EPB41L4A: variants seen among roughly 807,000 people sequenced by gnomAD.
EPB41L4A encodes the protein band 4.1-like protein 4A.
A neutral mutation model predicts 108.6 loss-of-function variants in EPB41L4A; 100 were observed. That is an observed-to-expected ratio of 0.92 (90% CI 0.78 to 1.09). The LOEUF is 1.09. Ranked by LOEUF, EPB41L4A falls within the 50% of genes least tolerant of loss-of-function variation. The probability of loss-of-function intolerance (pLI) is 0.00; values close to 1 mark genes in which losing one functional copy is unlikely to be tolerated. For missense variants in EPB41L4A, 1,030 were observed against 842.7 expected (o/e 1.22, Z -2.75); for synonymous variants, 319 against 289.0 (o/e 1.10, Z -1.05).
intron 1 of EPB41L4A, among the ~76,000 whole-genome samples, chr5:112,405,196 A>C (rs1378373081): frequency 6.6e-6 from 1 of 152,140 alleles, no homozygotes; most frequent in African/African-American, 2.4e-5. Context: ...CCATATTGCA[A>C]AGTACTCAGG....
intron 17 of EPB41L4A, among the ~76,000 whole-genome samples, chr5:112,193,918 C>G (rs890418510): frequency 1.3e-5 from 2 of 152,186 alleles, no homozygotes; most frequent in African/African-American, 4.8e-5. Context: ...TGACTGGCAA[C>G]CAAATCCCTC....
At chr5:112,161,610 T>G (rs17266115), downstream of EPB41L4A, 69,011 of 519,010 alleles carry the variant, frequency 0.13, 5,025 homozygotes, top group South Asian at 0.16. Context: ...GCTGCATAAG[T>G]AACAGTTGCT....
chr5:112,312,776 C>T (rs17134348), intron 1 of EPB41L4A, among the ~76,000 whole-genome samples: 22,435 of 152,130 alleles, frequency 0.15, 1,855 homozygotes, highest in African/African-American at 0.21. Context: ...TGCCTCCTGC[C>T]CTTATACACA....
intron 1 of EPB41L4A, among the ~76,000 whole-genome samples, chr5:112,368,575 C>T (rs574415349): frequency 2.2e-4 from 34 of 152,258 alleles, no homozygotes; most frequent in South Asian, 1.0e-3. Flanking sequence ...TAATTCCAGA[C>T]GCCTCCTTTC....
At position 112,214,723 on chromosome 5, in the gene EPB41L4A, G is replaced by A. The variant is rs187248541; in HGVS notation, c.1088-4741C>T. On this transcript the variant is annotated intron_variant, in intron 12 of 22. Transcript: ENST00000261486. ...GGAGCTTGCAGTGAGTGGAGATCGC[G>A]CCACTGCACTCCAGCCCAGGCGACA... Among the ~76,000 whole-genome samples, 492 of 151,880 alleles carry A rather than the reference G, an allele frequency of 3.2e-3. 8 individuals are homozygous for A. The highest frequency in any genetic ancestry group is 6.0e-4 in the Non-Finnish European group (41 of 67,952).
At chr5:112,323,780 T>C (rs553865514) in intron 1 of EPB41L4A, among the ~76,000 whole-genome samples, 44 of 152,294 alleles carry the variant, frequency 2.9e-4, no homozygotes, top group African/African-American at 1.0e-3. Context: ...TGCAACCTTT[T>C]TGGGGAATCA....
chr5:112,419,032 C>G lies in EPB41L4A; in HGVS notation c.8G>C (p.Cys3Ser). 1 of 1,613,290 alleles carries G rather than the reference C, an allele frequency of 6.2e-7. No homozygotes were observed. Among genetic ancestry groups the G allele is most frequent in the Non-Finnish European group, 8.5e-7 (1 of 1,179,478 alleles). ...AAATTCTTCCGGAACAGCGCAGAAA[C>G]AGCCCATGTCGGTTGTGGTCGTCTC... is the stretch of plus-strand genomic sequence containing the variant. MG[C>S]FCAVPEEFYC... The change falls in exon 1 of 23, where the codon TGT becomes TCT. Residue 3 changes from cysteine to serine, a missense_variant. Coordinates refer to ENST00000261486, the MANE Select transcript of EPB41L4A (RefSeq NM_022140.5).
At chr5:112,188,447 C>T (rs988342835) in intron 17 of EPB41L4A, among the ~76,000 whole-genome samples, 1 of 152,162 alleles carries the variant, frequency 6.6e-6, no homozygotes, top group Non-Finnish European at 1.5e-5. Flanking sequence ...CTTTCAAACT[C>T]TCCTGTTTTC....
intron 15 of EPB41L4A, among the ~76,000 whole-genome samples, chr5:112,201,805 T>G (rs1467931420): frequency 1.3e-5 from 2 of 152,194 alleles, no homozygotes; most frequent in Non-Finnish European, 2.9e-5. Context: ...GTACAGTTTA[T>G]TTAAATGAGG....
At chr5:112,327,074 A>T (rs1756214163) in intron 1 of EPB41L4A, among the ~76,000 whole-genome samples, 1 of 152,184 alleles carries the variant, frequency 6.6e-6, no homozygotes, top group South Asian at 2.1e-4. Flanking sequence ...CAATTTCACA[A>T]ATAGGGAAAA....
rs570110407 is a variant in EPB41L4A, at chr5:112,243,175, C to T, written c.796-2365G>A. On this transcript the variant is annotated intron_variant, in intron 9 of 22. Coordinates refer to ENST00000261486, the MANE Select transcript of EPB41L4A (RefSeq NM_022140.5). ...GTTGCAGTGAGCCGAGATCGTGCCA[C>T]TGCATTCCAGCCTGGGTGATAAGAA... 2.0e-5 allele frequency among the ~76,000 whole-genome samples: 3 copies of T among 146,968 alleles called. No homozygotes were observed. In the East Asian group the frequency reaches 5.8e-4, roughly 28 times the overall value.
At chr5:112,146,370 G>A (rs1175719897) in intron 12 of EPB41L4A, among the ~76,000 whole-genome samples, 2 of 152,132 alleles carry the variant, frequency 1.3e-5, no homozygotes, top group African/African-American at 4.8e-5. Flanking sequence ...ATTAATACAT[G>A]AACAGCCCAC....
At chr5:112,250,637 T>A (rs1481040690) in intron 9 of EPB41L4A, 1 of 152,178 alleles carries the variant, frequency 6.6e-6, no homozygotes, top group East Asian at 1.9e-4. Context: ...CACTTCTGAA[T>A]AAGTGGCCCA....
intron 1 of EPB41L4A, among the ~76,000 whole-genome samples, chr5:112,362,392 T>C (rs772498149): frequency 6.6e-5 from 10 of 151,436 alleles, no homozygotes; most frequent in Non-Finnish European, 1.5e-4. Flanking sequence ...GCGATTCTCC[T>C]GCCTCAGCCT....
chr5:112,383,217 G>T (rs1760284613), intron 1 of EPB41L4A, among the ~76,000 whole-genome samples: 2 of 152,156 alleles, frequency 1.3e-5, no homozygotes, highest in Non-Finnish European at 1.5e-5. Flanking sequence ...TCTCAAAGGA[G>T]TCAACTAAAG....
At chr5:112,181,091 C>T (rs61666035) in intron 18 of EPB41L4A, among the ~76,000 whole-genome samples, 2,037 of 152,114 alleles carry the variant, frequency 0.013, 45 homozygotes, top group African/African-American at 0.047. Flanking sequence ...AAGACCCTCT[C>T]GTATCTTGTT....
At chr5:112,176,221 G>A (rs2150216590) in intron 18 of EPB41L4A, among the ~76,000 whole-genome samples, 1 of 152,278 alleles carries the variant, frequency 6.6e-6, no homozygotes, top group Non-Finnish European at 1.5e-5. Context: ...TGGGGATCAG[G>A]TAATAAGCTG....
intron 17 of EPB41L4A, among the ~76,000 whole-genome samples, chr5:112,189,983 A>G (rs1380106264): frequency 1.3e-5 from 2 of 152,316 alleles, no homozygotes; most frequent in East Asian, 3.9e-4. Flanking sequence ...CACCCTGGGC[A>G]AGTCCAGCAC....
intron 12 of EPB41L4A, among the ~76,000 whole-genome samples, chr5:112,230,345 C>T (rs1020299903): frequency 5.3e-5 from 8 of 152,174 alleles, no homozygotes; most frequent in Admixed American, 5.2e-4. Context: ...ACATTCCAAC[C>T]AGCAGTGTAA....
Sources: allele counts gnomAD v4.1 joint callset (sites outside exome capture counted in the v4.1 genomes callset), GRCh38; gene constraint gnomAD v4.1.1; transcripts MANE v1.5; gene names NCBI Gene and HGNC (gene_info 2026-07-23, HGNC 2026-07-21).